PCDHGA10: variants seen among roughly 807,000 people sequenced by gnomAD.
The protein encoded by PCDHGA10 is protocadherin gamma-A10.
Under a neutral mutation model 59.5 loss-of-function variants are expected in PCDHGA10, and 42 were observed. That is an observed-to-expected ratio of 0.71 (90% CI 0.55 to 0.91). The LOEUF (loss-of-function observed/expected upper bound fraction) is 0.91, where lower values mean the gene tolerates loss of function less well. Ranked by LOEUF, PCDHGA10 falls within the 40% of genes least tolerant of loss-of-function variation. The pLI, the probability that PCDHGA10 is intolerant of heterozygous loss-of-function variation, is 0.00. For missense variants in PCDHGA10, 1,111 were observed against 1,198.2 expected (o/e 0.93, Z 1.07); for synonymous variants, 511 against 517.2 (o/e 0.99, Z 0.16).
At position 141,453,908 on chromosome 5, in the gene PCDHGA10, A is replaced by T. The variant is rs1198219869; in HGVS notation, c.2436+38297A>T. On this transcript the variant is annotated intron_variant, in intron 1 of 3. Transcript: ENST00000398610. ...CCAATCACATGACTTCTTTCAAAGT[A>T]TGTCAGTGATCAGTCACTGTGTGCC... Among the ~76,000 whole-genome samples, 4 of 152,242 alleles carry T rather than the reference A, an allele frequency of 2.6e-5. No homozygotes were observed. The East Asian group carries it at 5.8e-4, about 22-fold the overall frequency.
intron 1 of PCDHGA10, chr5:141,419,413 C>A (rs568417008): frequency 6.2e-7 from 1 of 1,613,444 alleles, no homozygotes; most frequent in South Asian, 1.1e-5. Flanking sequence ...TCGCGCAGCG[C>A]GCCTTCGACC....
chr5:141,477,052 C>T lies in PCDHGA10; in HGVS notation c.2437-17755C>T. On this transcript the variant is annotated intron_variant, in intron 1 of 3. Coordinates refer to ENST00000398610, the MANE Select transcript of PCDHGA10 (RefSeq NM_018913.3). The surrounding 1 kb of genome is among the most constrained non-coding windows in gnomAD (Gnocchi z 4.9). ...TGACAATCAAGGGTCGGCTGGACTT[C>T]GAGGACACCAAACTCCATGAGATTT... 1.2e-6 allele frequency: 2 copies of T among 1,614,240 alleles called. No individual in the cohort carries two copies. The highest frequency in any genetic ancestry group is 1.7e-6 in the Non-Finnish European group (2 of 1,180,032).
In PCDHGA10 at chr5:141,413,132, A is replaced by G; in HGVS notation, c.-44A>G. 6.5e-7 allele frequency: 1 copy of G among 1,542,144 alleles called. No homozygotes were observed. Among genetic ancestry groups the G allele is most frequent in the Non-Finnish European group, 8.7e-7 (1 of 1,144,484 alleles). On this transcript the variant is annotated 5_prime_UTR_variant, in exon 1 of 4. Coordinates refer to ENST00000398610, the MANE Select transcript of PCDHGA10 (RefSeq NM_018913.3). ...ACAAAGGAACCGGTTGAAACACACAACGTGTCCAGTGAGGACTTTGCAGAA... is the reference window on the plus strand; with the variant it reads ...ACAAAGGAACCGGTTGAAACACACAGCGTGTCCAGTGAGGACTTTGCAGAA...
At chr5:141,492,009 G>C in intron 1 of PCDHGA10, 1 of 617,702 alleles carries the variant, frequency 1.6e-6, no homozygotes, top group Non-Finnish European at 2.7e-6. Flanking sequence ...GATTTCCGCG[G>C]GTGTCGGGGG....
At position 141,491,305 on chromosome 5, in the gene PCDHGA10, G is replaced by T. The variant is rs1461861151; in HGVS notation, c.2437-3502G>T. 6.2e-7 allele frequency: 1 copy of T among 1,614,176 alleles called. No homozygotes were observed. Among genetic ancestry groups the T allele is most frequent in the African/African-American group, 1.3e-5 (1 of 75,048 alleles). ...CCTCATACACCCTCCTGAGCGTTCA[G>T]ACCTTACCCTTTACCTCATTGTGGC... On this transcript the variant is annotated intron_variant, in intron 1 of 3. Coordinates refer to ENST00000398610, the MANE Select transcript of PCDHGA10 (RefSeq NM_018913.3). This position sits in a 1 kb window ranked among gnomAD's most constrained non-coding sequence, Gnocchi z 6.9.
rs1002764667 is a variant in PCDHGA10, at chr5:141,468,260, G to A, written c.2437-26547G>A. 4.0e-5 allele frequency among the ~76,000 whole-genome samples: 6 copies of A among 150,102 alleles called. No homozygotes were observed. The East Asian group carries it at 1.2e-3, about 30-fold the overall frequency. ...GAATTGCCTGAACCTGGGAGGCAGA[G>A]GTTGTGGTGAGCCGAGACCACGCCA... On this transcript the variant is annotated intron_variant, in intron 1 of 3. Coordinates refer to ENST00000398610, the MANE Select transcript of PCDHGA10 (RefSeq NM_018913.3).
Position 141,491,826 on chromosome 5 carries a change from C to A in PCDHGA10, c.2437-2981C>A. 1 of 1,477,526 alleles carries A rather than the reference C, an allele frequency of 6.8e-7. No homozygotes were observed. The highest frequency in any genetic ancestry group is 9.0e-7 in the Non-Finnish European group (1 of 1,114,486). The allele number at this position is 1,477,526 out of a possible 1,614,324, so 91.5% of individuals were successfully genotyped here. A position where few individuals can be genotyped will look rare whatever the true frequency, so the allele number is the denominator to read the frequency against. ...GGCTTGGTCGCTGGCTGCGCTCCAC[C>A]CGATTCTCGGGATCATTGGACCGTT... On this transcript the variant is annotated intron_variant, in intron 1 of 3. Transcript: ENST00000398610. The surrounding 1 kb of genome is among the most constrained non-coding windows in gnomAD (Gnocchi z 6.9).
intron 1 of PCDHGA10, among the ~76,000 whole-genome samples, chr5:141,457,904 T>C (rs960822555): frequency 6.0e-5 from 9 of 150,288 alleles, no homozygotes; most frequent in African/African-American, 2.2e-4. Context: ...GTAGACAAGG[T>C]GTGAGGCCAG....
At chr5:141,450,006 C>CTATTTTTTTTTTTT (rs70988802) in intron 1 of PCDHGA10, among the ~76,000 whole-genome samples, 1 of 132,966 alleles carries the variant, frequency 7.5e-6, no homozygotes, top group Non-Finnish European at 1.6e-5. Flanking sequence ...TGCCATGTCT[C>CTATTTTTTTTTTTT]TTTTTTTTTT....
At chr5:141,427,192 A>T (rs1191677237) in intron 1 of PCDHGA10, 1 of 456,566 alleles carries the variant, frequency 2.2e-6, no homozygotes. Context: ...AAATCCAAAG[A>T]CTTAATAGAC....
chr5:141,449,075 T>C (rs1452456191), intron 1 of PCDHGA10, among the ~76,000 whole-genome samples: 3 of 152,240 alleles, frequency 2.0e-5, no homozygotes, highest in African/African-American at 7.2e-5. Context: ...AATAGCCCTG[T>C]ACCTACATCA....
chr5:141,421,195 G>C (rs1305388921), intron 1 of PCDHGA10: 2 of 1,504,878 alleles, frequency 1.3e-6, no homozygotes, highest in Non-Finnish European at 1.8e-6. Context: ...CAACCAGCTC[G>C]AGAAACCGCG....
intron 1 of PCDHGA10, among the ~76,000 whole-genome samples, chr5:141,474,165 A>G (rs1444314307): frequency 6.6e-6 from 1 of 152,234 alleles, no homozygotes; most frequent in Non-Finnish European, 1.5e-5. Context: ...GACAGGCCTT[A>G]TTATTGAGAA....
chr5:141,486,760 G>C lies in PCDHGA10; in HGVS notation c.2437-8047G>C. ...GATCCTTTGACTATGAGCAAACCCAGACACTGCAGTTTGAGGTGCAGGCCC... is the reference window on the plus strand; with the variant it reads ...GATCCTTTGACTATGAGCAAACCCACACACTGCAGTTTGAGGTGCAGGCCC... On this transcript the variant is annotated intron_variant, in intron 1 of 3. Transcript: ENST00000398610. This position sits in a 1 kb window ranked among gnomAD's most constrained non-coding sequence, Gnocchi z 5.0. 1.2e-6 allele frequency: 2 copies of C among 1,614,240 alleles called. No homozygotes were observed. The highest frequency in any genetic ancestry group is 2.2e-5 in the South Asian group (2 of 91,086).
intron 1 of PCDHGA10, among the ~76,000 whole-genome samples, chr5:141,438,593 T>C (rs982159150): frequency 4.1e-5 from 3 of 73,984 alleles, no homozygotes; most frequent in Non-Finnish European, 5.5e-5. Flanking sequence ...CATACATACA[T>C]ATATATATAT....
intron 1 of PCDHGA10, among the ~76,000 whole-genome samples, chr5:141,444,152 ATTTTTTTTTTTT>A (rs747671382): frequency 5.9e-4 from 20 of 33,896 alleles, no homozygotes; most frequent in African/African-American, 1.8e-3. Flanking sequence ...TGTGTACTGG[ATTTTTTTTTTTT>A]TTTTTTTTTT....
rs377060474 is a variant in PCDHGA10, at chr5:141,487,810, C to A, written c.2437-6997C>A. The A allele has an allele frequency of 7.4e-4, 1,055 of 1,417,844 alleles. 13 individuals carry two copies. In the South Asian group the frequency reaches 0.013, roughly 17 times the overall value. The allele number at this position is 1,417,844 out of a possible 1,614,324, so 87.8% of individuals were successfully genotyped here. A position where few individuals can be genotyped will look rare whatever the true frequency, so the allele number is the denominator to read the frequency against. ...ATTAACCAGAGTTGTCACAGTTTAG[C>A]ATTGGGGGCGGGTCATGCCTATATC... On this transcript the variant is annotated intron_variant, in intron 1 of 3. Transcript: ENST00000398610. The surrounding 1 kb of genome is among the most constrained non-coding windows in gnomAD (Gnocchi z 5.0).
At chr5:141,438,548 C>T (rs1423036586) in intron 1 of PCDHGA10, among the ~76,000 whole-genome samples, 2 of 135,792 alleles carry the variant, frequency 1.5e-5, no homozygotes, top group Non-Finnish European at 3.1e-5. Context: ...ATATCTAAGC[C>T]CTAATAAGAG....
At chr5:141,419,523 G>C in intron 1 of PCDHGA10, 1 of 1,612,204 alleles carries the variant, frequency 6.2e-7, no homozygotes, top group Non-Finnish European at 8.5e-7. Flanking sequence ...GTGGGCGACC[G>C]TAACGACAAC....
Sources: allele counts gnomAD v4.1 joint callset (sites outside exome capture counted in the v4.1 genomes callset), GRCh38; gene constraint gnomAD v4.1.1; non-coding constraint Gnocchi (gnomAD v3.1); transcripts MANE v1.5; gene names NCBI Gene and HGNC (gene_info 2026-07-23, HGNC 2026-07-21).